Variants in PACRG observed in about 807,000 individuals in gnomAD.
The protein encoded by PACRG is parkin coregulated.
A neutral mutation model predicts 29.7 loss-of-function variants in PACRG; 29 were observed. The ratio of observed to expected loss-of-function variants is 0.98; its 90% confidence interval spans 0.73 to 1.33. The LOEUF is 1.33. PACRG is among the 40% of genes most tolerant of loss of function. PACRG has a pLI of 0.00. For missense variants in PACRG, 279 were observed against 316.2 expected (o/e 0.88, Z 0.89); for synonymous variants, 116 against 118.7 (o/e 0.98, Z 0.15).
At chr6:162,987,594 C>G (rs768615379) in intron 2 of PACRG, among the ~76,000 whole-genome samples, 10 of 152,144 alleles carry the variant, frequency 6.6e-5, no homozygotes, top group Non-Finnish European at 1.5e-4. Flanking sequence ...GTAAGACAAG[C>G]CTTTGCTCCT....
At chr6:162,879,657 C>T (rs1793667975) in intron 2 of PACRG, among the ~76,000 whole-genome samples, 1 of 152,210 alleles carries the variant, frequency 6.6e-6, no homozygotes, top group South Asian at 2.1e-4. Context: ...TTCATTCCTT[C>T]AACAAGTATT....
At chr6:163,044,054 C>T (rs942911077) in intron 2 of PACRG, among the ~76,000 whole-genome samples, 1 of 151,994 alleles carries the variant, frequency 6.6e-6, no homozygotes, top group African/African-American at 2.4e-5. Context: ...AAGAGGAAGA[C>T]CTGGGAGTCA....
At chr6:162,977,436 A>G (rs115110177) in intron 2 of PACRG, among the ~76,000 whole-genome samples, 1,645 of 151,484 alleles carry the variant, frequency 0.011, 39 homozygotes, top group African/African-American at 0.038. Flanking sequence ...AAGTCCTAGC[A>G]ACGGCTGTAT....
chr6:163,075,083 A>G (rs1812421648), intron 3 of PACRG, among the ~76,000 whole-genome samples: 1 of 152,214 alleles, frequency 6.6e-6, no homozygotes, highest in Non-Finnish European at 1.5e-5. Context: ...CACAAATCCT[A>G]CAGACATTGA....
intron 4 of PACRG, among the ~76,000 whole-genome samples, chr6:163,262,779 C>T (rs763042025): frequency 7.2e-5 from 11 of 151,778 alleles, no homozygotes; most frequent in Non-Finnish European, 1.3e-4. Context: ...CAGTGGCTCA[C>T]ACCTGTAATC....
intron 4 of PACRG, chr6:163,100,889 A>G (rs779035562): frequency 3.7e-4 from 360 of 984,336 alleles, no homozygotes; most frequent in Non-Finnish European, 4.2e-4. Context: ...TGCTTTCTGT[A>G]TTATATTCTC....
intron 1 of PACRG, among the ~76,000 whole-genome samples, chr6:162,745,231 G>A (rs1198066334): frequency 6.6e-6 from 1 of 152,072 alleles, no homozygotes; most frequent in Non-Finnish European, 1.5e-5. Context: ...TGTATCCTTT[G>A]CAAGGACACA....
chr6:162,778,680 A>T (rs1166947168), intron 1 of PACRG, among the ~76,000 whole-genome samples: 1 of 152,196 alleles, frequency 6.6e-6, no homozygotes, highest in Non-Finnish European at 1.5e-5. Flanking sequence ...TTTCCCCAAC[A>T]AAAAGCATTT....
At chr6:163,012,424 A>G (rs1805697562) in intron 2 of PACRG, among the ~76,000 whole-genome samples, 1 of 152,248 alleles carries the variant, frequency 6.6e-6, no homozygotes, top group African/African-American at 2.4e-5. Flanking sequence ...ATAACAAGGA[A>G]CACAAAGAAA....
intron 2 of PACRG, among the ~76,000 whole-genome samples, chr6:162,834,058 G>C (rs1046435284): frequency 6.6e-6 from 1 of 152,116 alleles, no homozygotes; most frequent in East Asian, 1.9e-4. Context: ...TTTACTTTCT[G>C]TCTCTCTGAA....
intron 4 of PACRG, among the ~76,000 whole-genome samples, chr6:163,090,605 A>T (rs1814013891): frequency 6.6e-6 from 1 of 152,208 alleles, no homozygotes; most frequent in Non-Finnish European, 1.5e-5. Context: ...CATTTGGAAA[A>T]TACTTATTTA....
chr6:163,162,508 C>T (rs1260122536), intron 4 of PACRG, among the ~76,000 whole-genome samples: 2 of 152,234 alleles, frequency 1.3e-5, no homozygotes, highest in Admixed American at 1.3e-4. Context: ...CAATTTCTTC[C>T]TCTCCTGCTC....
At chr6:163,042,360 T>C (rs563304192) in intron 2 of PACRG, among the ~76,000 whole-genome samples, 1 of 152,274 alleles carries the variant, frequency 6.6e-6, no homozygotes, top group African/African-American at 2.4e-5. Flanking sequence ...CCAGCAGTCA[T>C]GGAGGAGTCA....
intron 4 of PACRG, among the ~76,000 whole-genome samples, chr6:163,163,631 T>C (rs982040901): frequency 2.0e-5 from 3 of 152,182 alleles, no homozygotes; most frequent in African/African-American, 7.2e-5. Context: ...TAAAAAATAA[T>C]ATTGTCCATA....
At chr6:162,910,332 C>A (rs1796220981) in intron 2 of PACRG, among the ~76,000 whole-genome samples, 2 of 152,174 alleles carry the variant, frequency 1.3e-5, no homozygotes, top group Non-Finnish European at 2.9e-5. Flanking sequence ...TGAGATTTCA[C>A]AATTGGTTCT....
At chr6:163,227,254 C>A (rs542493006) in intron 4 of PACRG, among the ~76,000 whole-genome samples, 13 of 152,204 alleles carry the variant, frequency 8.5e-5, no homozygotes, top group African/African-American at 3.1e-4. Context: ...ACGCACATCA[C>A]AAGATGAAAG....
intron 2 of PACRG, among the ~76,000 whole-genome samples, chr6:163,022,943 A>AT (rs550315188): frequency 6.6e-5 from 10 of 152,056 alleles, no homozygotes; most frequent in Non-Finnish European, 8.8e-5. Flanking sequence ...ACATTTCCTA[A>AT]TTTTTTTTCA....
chr6:162,829,288 A>G (rs1040398123), intron 2 of PACRG, among the ~76,000 whole-genome samples: 1 of 152,284 alleles, frequency 6.6e-6, no homozygotes, highest in African/African-American at 2.4e-5. Context: ...AGACACATTC[A>G]GATGGAGTCA....
At chr6:163,058,392 T>G (rs1034172298) in intron 2 of PACRG, among the ~76,000 whole-genome samples, 1 of 152,166 alleles carries the variant, frequency 6.6e-6, no homozygotes, top group East Asian at 1.9e-4. Flanking sequence ...ACGAGGTGTT[T>G]GATCCCTACC....
Sources: gnomAD v4.1 joint callset for allele counts (sites outside exome capture counted in the v4.1 genomes callset) on GRCh38, gnomAD v4.1.1 for gene constraint, MANE v1.5 for transcripts, NCBI Gene and HGNC (gene_info 2026-07-23, HGNC 2026-07-21) for gene names.